The following CXADR variants were observed in gnomAD, a reference collection of about 807,000 sequenced individuals.
The protein encoded by CXADR is coxsackievirus and adenovirus receptor.
A neutral mutation model predicts 40.3 loss-of-function variants in CXADR; 20 were observed. That is an observed-to-expected ratio of 0.50 (90% CI 0.35 to 0.72). CXADR has a LOEUF of 0.72. CXADR is among the 30% of genes least tolerant of loss of function. The pLI, the probability that CXADR is intolerant of heterozygous loss-of-function variation, is 0.01. For missense variants in CXADR, 332 were observed against 449.1 expected (o/e 0.74, Z 2.36); for synonymous variants, 150 against 161.3 (o/e 0.93, Z 0.53).
At chr21:17,578,888 A>G (rs934074616) in intron 7 of CXADR, among the ~76,000 whole-genome samples, 2 of 152,162 alleles carry the variant, frequency 1.3e-5, no homozygotes, top group African/African-American at 2.4e-5. Flanking sequence ...ATGAAATCCT[A>G]TGTAAGGTTC....
the CXADR span, among the ~76,000 whole-genome samples, chr21:17,600,967 G>T: frequency 3.9e-5 from 6 of 152,274 alleles, no homozygotes; most frequent in Admixed American, 1.3e-4. Context: ...TTCGAGGCCA[G>T]CCTGGCCAAC....
the CXADR span, among the ~76,000 whole-genome samples, chr21:17,627,304 C>T: frequency 6.6e-6 from 1 of 151,876 alleles, no homozygotes; most frequent in East Asian, 1.9e-4. Context: ...TGCGGTGAGC[C>T]GAGATTACAC....
intron 1 of CXADR, chr21:17,541,974 C>T (rs761622369): frequency 9.1e-6 from 3 of 329,430 alleles, no homozygotes; most frequent in South Asian, 5.1e-5. Flanking sequence ...TGCTGTTTCT[C>T]ATCATAGCTT....
the CXADR span, among the ~76,000 whole-genome samples, chr21:17,602,473 CTA>C: frequency 1.3e-5 from 2 of 152,112 alleles, no homozygotes; most frequent in African/African-American, 2.4e-5. Flanking sequence ...TTCAAAATAT[CTA>C]TGTTTCCAGT....
intron 7 of CXADR, among the ~76,000 whole-genome samples, chr21:17,588,907 T>C (rs1488466514): frequency 6.6e-6 from 1 of 152,088 alleles, no homozygotes; most frequent in African/African-American, 2.4e-5. Context: ...GCTTTTATAA[T>C]ATCAGGTCCA....
chr21:17,528,956 CCT>C (rs923733906), intron 1 of CXADR, among the ~76,000 whole-genome samples: 10 of 152,132 alleles, frequency 6.6e-5, no homozygotes, highest in African/African-American at 2.4e-4. Flanking sequence ...TTTCTTTGCT[CCT>C]ACTCACGGAC....
chr21:17,528,462 G>A (rs546905635), intron 1 of CXADR, among the ~76,000 whole-genome samples: 1 of 151,924 alleles, frequency 6.6e-6, no homozygotes, highest in African/African-American at 2.4e-5. Context: ...CTGGAGTGCA[G>A]TGGCGCGATC....
intron 4 of CXADR, among the ~76,000 whole-genome samples, chr21:17,560,291 A>T (rs9980694): frequency 2.6e-5 from 4 of 152,034 alleles, no homozygotes; most frequent in Non-Finnish European, 2.9e-5. Flanking sequence ...CCAATCTGGG[A>T]GTCCTCTTCT....
chr21:17,573,471 G>C (rs968405347), downstream of CXADR, among the ~76,000 whole-genome samples: 2 of 152,152 alleles, frequency 1.3e-5, no homozygotes, highest in Non-Finnish European at 2.9e-5. Context: ...CATAATAACA[G>C]TATCAACACC....
chr21:17,579,285 CTTT>C (rs891990788), intron 7 of CXADR, among the ~76,000 whole-genome samples: 3 of 83,958 alleles, frequency 3.6e-5, no homozygotes, highest in Non-Finnish European at 5.3e-5. Context: ...CCTTTCTTCT[CTTT>C]TCTTTTTTTT....
chr21:17,585,143 A>AT (rs1354742366), intron 7 of CXADR, among the ~76,000 whole-genome samples: 1 of 152,102 alleles, frequency 6.6e-6, no homozygotes, highest in African/African-American at 2.4e-5. Flanking sequence ...TAGTTCTGAG[A>AT]TTAACTTGGC....
downstream of CXADR, among the ~76,000 whole-genome samples, chr21:17,596,443 C>T (rs1420531903): frequency 6.6e-6 from 1 of 151,928 alleles, no homozygotes; most frequent in East Asian, 1.9e-4. Context: ...GTACACAATC[C>T]ATCTCAAATC....
chr21:17,528,461 A>C (rs1353633390), intron 1 of CXADR, among the ~76,000 whole-genome samples: 1 of 151,606 alleles, frequency 6.6e-6, no homozygotes, highest in Non-Finnish European at 1.5e-5. Context: ...GCTGGAGTGC[A>C]GTGGCGCGAT....
intron 7 of CXADR, among the ~76,000 whole-genome samples, chr21:17,579,388 G>C (rs946163880): frequency 3.3e-5 from 5 of 151,656 alleles, no homozygotes; most frequent in Non-Finnish European, 7.4e-5. Flanking sequence ...AGGTTCAAGC[G>C]ATTCTCCTGC....
chr21:17,601,749 G>A, the CXADR span, among the ~76,000 whole-genome samples: 3 of 152,130 alleles, frequency 2.0e-5, no homozygotes, highest in African/African-American at 7.2e-5. Context: ...CCTATCTTCA[G>A]TTTTGCCCAT....
At chr21:17,581,288 T>C (rs1173503064) in intron 7 of CXADR, among the ~76,000 whole-genome samples, 1 of 152,234 alleles carries the variant, frequency 6.6e-6, no homozygotes, top group Non-Finnish European at 1.5e-5. Context: ...TCATTTTGTG[T>C]ATGTATAAAT....
At chr21:17,619,572 G>A in the CXADR span, among the ~76,000 whole-genome samples, 1 of 149,092 alleles carries the variant, frequency 6.7e-6, no homozygotes, top group Non-Finnish European at 1.5e-5. Context: ...CTGGCAGCCT[G>A]GGCATCAGAG....
chr21:17,527,980 C>T (rs2060618429), intron 1 of CXADR, among the ~76,000 whole-genome samples: 2 of 151,430 alleles, frequency 1.3e-5, no homozygotes, highest in Non-Finnish European at 2.9e-5. Context: ...AACATCCTTA[C>T]ACCACATTTT....
At chr21:17,525,542 A>G (rs887725423) in intron 1 of CXADR, among the ~76,000 whole-genome samples, 1 of 152,208 alleles carries the variant, frequency 6.6e-6, no homozygotes, top group East Asian at 1.9e-4. Context: ...TATTTTAAAC[A>G]CTTGAATACT....
Sources: gnomAD v4.1 joint callset for allele counts (sites outside exome capture counted in the v4.1 genomes callset) on GRCh38, gnomAD v4.1.1 for gene constraint, MANE v1.5 for transcripts, NCBI Gene and HGNC (gene_info 2026-07-23, HGNC 2026-07-21) for gene names.